The following CYP4F3 variants were observed in gnomAD, a reference collection of about 807,000 sequenced individuals.
CYP4F3 encodes the protein cytochrome P450 4F3.
Under a neutral mutation model 54.8 loss-of-function variants are expected in CYP4F3, and 50 were observed. That is an observed-to-expected ratio of 0.91 (90% CI 0.73 to 1.16). The LOEUF (loss-of-function observed/expected upper bound fraction) is 1.16, where lower values mean the gene tolerates loss of function less well. Among genes scored for constraint, CYP4F3 ranks in the 50% most tolerant of loss-of-function variants. The probability of loss-of-function intolerance (pLI) is 0.00; values close to 1 mark genes in which losing one functional copy is unlikely to be tolerated. For missense variants in CYP4F3, 715 were observed against 676.2 expected (o/e 1.06, Z -0.64); for synonymous variants, 244 against 262.6 (o/e 0.93, Z 0.69).
At chr19:15,643,756 T>C in intron 2 of CYP4F3, 1 of 1,047,300 alleles carries the variant, frequency 9.5e-7, no homozygotes. Context: ...AGGGTGATTC[T>C]TCCTTCCTCA....
chr19:15,659,021 T>G (rs1443932673), intron 12 of CYP4F3, among the ~76,000 whole-genome samples, 199 bp from the exon 13 acceptor site: 1 of 125,288 alleles, frequency 8.0e-6, no homozygotes, highest in Non-Finnish European at 1.6e-5. Flanking sequence ...CTACCCCACC[T>G]TGGTCTAGGC....
intron 7 of CYP4F3, among the ~76,000 whole-genome samples, chr19:15,651,805 CTGTGTCTATGTCTG>C (rs1193108379): frequency 2.0e-5 from 3 of 152,082 alleles, no homozygotes; most frequent in Non-Finnish European, 2.9e-5. Flanking sequence ...CCATGTGTTT[CTGTGTCTATGTCTG>C]TGTGTCTATG....
Position 15,647,121 on chromosome 19 carries a change from T to C in CYP4F3, c.397+16T>C. 2 of 1,613,860 alleles carry C rather than the reference T, an allele frequency of 1.2e-6. No homozygotes were observed. The highest frequency in any genetic ancestry group is 2.2e-5 in the East Asian group (1 of 44,864). On this transcript the variant is annotated intron_variant, in intron 4 of 12. Transcript: ENST00000221307. ...CCCTGGCTGGGTGAGTATCTGTAGG[T>C]GAACAGGGTTGGGAACAACCTGGGG...
rs1973179554 is a variant in CYP4F3, at chr19:15,661,304, C to CAAAACA, written c.*1923_*1928dup. The CAAAACA allele has an allele frequency of 2.0e-5, 3 of 149,338 alleles. No individual in the cohort carries two copies. The highest frequency in any genetic ancestry group is 7.7e-5 in the African/African-American group (3 of 39,118). The allele number at this position is 149,338 out of a possible 1,614,324, so 9.3% of individuals were successfully genotyped here. A position where few individuals can be genotyped will look rare whatever the true frequency, so the allele number is the denominator to read the frequency against. ...AAAACAAAACAAAACAAAACAAAAACAAAACAAAACAAAACAAAACACTGC... is the reference window on the plus strand; with the variant it reads ...AAAACAAAACAAAACAAAACAAAAACAAAACAAAAACAAAACAAAACAAAACACTGC... On this transcript the variant is annotated 3_prime_UTR_variant, in exon 13 of 13. Coordinates refer to ENST00000221307, the MANE Select transcript of CYP4F3 (RefSeq NM_000896.3).
rs183469767 is a variant in CYP4F3 at position 15,654,347 on chromosome 19, C to A, written c.1115+1395C>A. Among the ~76,000 whole-genome samples, 9 of 152,168 alleles carry A rather than the reference C, an allele frequency of 5.9e-5. No homozygotes were observed. The East Asian group carries it at 1.5e-3, about 26-fold the overall frequency. On this transcript the variant is annotated intron_variant, in intron 9 of 12. Transcript: ENST00000221307. ...GATCAAATCAGTGTACTTGGGATAT[C>A]CATTGCCTGAAATATTTGTCTTTTC...
At chr19:15,643,466 G>A (rs886763683) in intron 2 of CYP4F3, among the ~76,000 whole-genome samples, 3 of 150,814 alleles carry the variant, frequency 2.0e-5, no homozygotes, top group African/African-American at 4.9e-5. Context: ...AGACAGACAG[G>A]CAGACAGACA....
At chr19:15,641,203 A>T (rs1306196107) in intron 1 of CYP4F3, 2 of 586,488 alleles carry the variant, frequency 3.4e-6, no homozygotes, top group African/African-American at 3.7e-5. Flanking sequence ...TCTCAATCTA[A>T]GTGCTTACCG....
Position 15,645,815 on chromosome 19 carries a change from GTCCGCATCT to G in CYP4F3, c.299_307del (p.Arg100_Phe102del). The G allele has an allele frequency of 6.2e-7, 1 of 1,613,946 alleles. No homozygotes were observed. Among genetic ancestry groups the G allele is most frequent in the East Asian group, 2.2e-5 (1 of 44,870 alleles). On this transcript the variant is annotated inframe_deletion, in exon 3 of 13. Transcript: ENST00000221307. ...GTGGGTGGGGCCCTGGCACGCAATC[GTCCGCATCT>G]TCCACCCCACCTACATCAAGCCTGT...
Position 15,660,825 on chromosome 19 carries a change from T to A in CYP4F3, c.*1440T>A, listed in dbSNP as rs28371519. On this transcript the variant is annotated 3_prime_UTR_variant, in exon 13 of 13. Coordinates refer to ENST00000221307, the MANE Select transcript of CYP4F3 (RefSeq NM_000896.3). ...TCCGCCTCCTGCGTTCAAGTGATTG[T>A]CCTGTCTCAGCCTCCCAAGTAGCTG... is the stretch of plus-strand genomic sequence containing the variant. 0.6 allele frequency: 90,361 copies of A among 151,090 alleles called. 27,530 individuals carry two copies. Among genetic ancestry groups the A allele is most frequent in the East Asian group, 0.7 (3,540 of 5,034 alleles). 9.4% of individuals were successfully genotyped at this position (151,090 alleles called of 1,614,324 possible). A position where few individuals can be genotyped will look rare whatever the true frequency, so the allele number is the denominator to read the frequency against.
At chr19:15,652,462 A>ATTCC in intron 7 of CYP4F3, 107 bp from the exon 8 acceptor site, 1 of 1,547,632 alleles carries the variant, frequency 6.5e-7, no homozygotes. Flanking sequence ...GGGTTTCTCG[A>ATTCC]AAGAGGATGA....
At chr19:15,644,143 C>A in intron 2 of CYP4F3, 1 of 1,373,948 alleles carries the variant, frequency 7.3e-7, no homozygotes, top group Non-Finnish European at 9.5e-7. Flanking sequence ...CCCTGCAGTA[C>A]TCTGGTCTCT....
At chr19:15,641,249 G>A (rs1972452917) in intron 1 of CYP4F3, 166 bp from the exon 2 acceptor site, 2 of 821,542 alleles carry the variant, frequency 2.4e-6, no homozygotes, top group Non-Finnish European at 3.7e-6. Context: ...GGTTTTGGCT[G>A]GGCCTTTCTG....
rs778752926 is a variant in CYP4F3 at position 15,658,557 on chromosome 19, T to G, written c.1314+2T>G. On this transcript the variant is annotated splice_donor_variant, in intron 11 of 12. Coordinates refer to ENST00000221307, the MANE Select transcript of CYP4F3 (RefSeq NM_000896.3). LOFTEE classifies it high-confidence loss of function. ...CCAGCCGTGTGGCCGGACCCTGAGG[T>G]GCGGGCCCCCCGTCTCTGTTTTTGT... The G allele has an allele frequency of 3.3e-5, 54 of 1,613,788 alleles. No individual in the cohort carries two copies. Among genetic ancestry groups the G allele is most frequent in the Non-Finnish European group, 4.6e-5 (54 of 1,179,954 alleles).
In CYP4F3 at chr19:15,659,250, G is replaced by A. The variant is rs149563332; in HGVS notation, c.1428G>A (p.Ala476=). 1.2e-6 allele frequency: 2 copies of A among 1,612,194 alleles called. No individual in the cohort carries two copies. The highest frequency in any genetic ancestry group is 1.1e-5 in the South Asian group (1 of 90,972). The change falls in exon 13 of 13, where the codon GCG becomes GCA. Residue 476 remains alanine (A), a synonymous_variant. Coordinates refer to ENST00000221307, the MANE Select transcript of CYP4F3 (RefSeq NM_000896.3). The stretch of plus-strand genomic sequence containing the variant: ...GCATCGGGCAGGCGTTCGCGATGGC[G>A]GAGATGAAGGTGGTCCTGGGGCTCA... ...RNCIGQAFAM[A]EMKVVLGLTL...
At position 15,652,908 on chromosome 19, in the gene CYP4F3, G is replaced by C. The variant is rs774066427; in HGVS notation, c.1071G>C (p.Glu357Asp). Residue 357 changes from glutamate to aspartate, a missense_variant, in exon 9 of 13, where the codon GAG becomes GAC. Coordinates refer to ENST00000221307, the MANE Select transcript of CYP4F3 (RefSeq NM_000896.3). ...HPEYQERCRQ[E>D]VQELLKDREP... ...AATACCAGGAGCGCTGTCGGCAGGAGGTGCAAGAGCTTCTGAAGGACCGTG... is the reference window on the plus strand; with the variant it reads ...AATACCAGGAGCGCTGTCGGCAGGACGTGCAAGAGCTTCTGAAGGACCGTG... 5.6e-5 allele frequency: 90 copies of C among 1,613,594 alleles called. No individual in the cohort carries two copies. The highest frequency in any genetic ancestry group is 1.6e-4 in the Middle Eastern group (1 of 6,080).
At position 15,658,429 on chromosome 19, in the gene CYP4F3, G is replaced by T. The variant is rs377252794; in HGVS notation, c.1249+32G>T. On this transcript the variant is annotated intron_variant, in intron 10 of 12. Coordinates refer to ENST00000221307, the MANE Select transcript of CYP4F3 (RefSeq NM_000896.3). Reference sequence around the variant, plus strand: ...CAGCCTCAGGGGGAGGAGCCTCCTGGGTAGGAAGAGGGGCCCCTCAGGCAG... The same window carrying T: ...CAGCCTCAGGGGGAGGAGCCTCCTGTGTAGGAAGAGGGGCCCCTCAGGCAG... 4.0e-4 allele frequency: 645 copies of T among 1,613,602 alleles called. 1 individual carries two copies. Among genetic ancestry groups the T allele is most frequent in the Middle Eastern group, 2.6e-3 (16 of 6,054 alleles).
At chr19:15,654,661 T>A (rs1163459409) in intron 9 of CYP4F3, among the ~76,000 whole-genome samples, 1 of 152,246 alleles carries the variant, frequency 6.6e-6, no homozygotes, top group Non-Finnish European at 1.5e-5. Flanking sequence ...TCCAGTTCCA[T>A]CCATGTTGCC....
intron 2 of CYP4F3, among the ~76,000 whole-genome samples, chr19:15,644,464 GC>G (rs1384258920): frequency 6.6e-6 from 1 of 152,238 alleles, no homozygotes; most frequent in African/African-American, 2.4e-5. Flanking sequence ...AGTTACTGGA[GC>G]CATGTCTGGA....
chr19:15,651,287 CTT>C (rs879472877), intron 7 of CYP4F3, among the ~76,000 whole-genome samples: 1 of 137,798 alleles, frequency 7.3e-6, no homozygotes, highest in Non-Finnish European at 1.6e-5. Flanking sequence ...GTGTTTGTGT[CTT>C]TGTCTCAGTG....
Sources: allele counts gnomAD v4.1 joint callset (sites outside exome capture counted in the v4.1 genomes callset), GRCh38; gene constraint gnomAD v4.1.1; transcripts MANE v1.5; gene names NCBI Gene and HGNC (gene_info 2026-07-23, HGNC 2026-07-21).